SLC13A3: variants seen among roughly 807,000 people sequenced by gnomAD.
The protein encoded by SLC13A3 is Na(+)/dicarboxylate cotransporter 3.
Under a neutral mutation model 59.0 loss-of-function variants are expected in SLC13A3, and 40 were observed. The ratio of observed to expected loss-of-function variants is 0.68; its 90% CI spans 0.53 to 0.88. SLC13A3 has a LOEUF of 0.88. Ranked by LOEUF, SLC13A3 falls within the 40% of genes least tolerant of loss-of-function variation. The pLI is 0.00. For missense variants in SLC13A3, 699 were observed against 783.2 expected (o/e 0.89, Z 1.28); for synonymous variants, 317 against 330.3 (o/e 0.96, Z 0.44).
intron 1 of SLC13A3, among the ~76,000 whole-genome samples, chr20:46,645,073 G>A (rs1449474465): frequency 2.0e-5 from 3 of 152,208 alleles, no homozygotes; most frequent in Admixed American, 2.0e-4. Context: ...CTCCAGGAGA[G>A]AGAATCCATG....
rs1372358836 is a variant in SLC13A3 at position 46,613,883 on chromosome 20, C to T, written c.112-158G>A. The T allele has an allele frequency of 1.3e-5, 8 of 622,978 alleles. No homozygotes were observed. The East Asian group carries it at 2.3e-4, about 18-fold the overall frequency. 38.6% of individuals were successfully genotyped at this position (622,978 alleles called of 1,614,324 possible). On this transcript the variant is annotated intron_variant, in intron 1 of 12. Transcript: ENST00000279027. ...CTGCCCCGGCTTGTTCTCAGGGCAG[C>T]AGTGGAGCAGGTGTGTGCCTAAGGC...
intron 3 of SLC13A3, chr20:46,609,164 G>A (rs2062466635): frequency 1.4e-6 from 2 of 1,425,664 alleles, no homozygotes; most frequent in Non-Finnish European, 1.8e-6. Flanking sequence ...TAAATTAAAA[G>A]TAAGACATTT....
At chr20:46,652,920 T>C (rs2062962197), upstream of SLC13A3, among the ~76,000 whole-genome samples, 1 of 152,244 alleles carries the variant, frequency 6.6e-6, no homozygotes, top group South Asian at 2.1e-4. Flanking sequence ...TTTGGTGTTG[T>C]CACTGTTTAT....
At chr20:46,605,500 G>A (rs1299724970) in intron 3 of SLC13A3, among the ~76,000 whole-genome samples, 2 of 152,076 alleles carry the variant, frequency 1.3e-5, no homozygotes. Flanking sequence ...TTGAGTTTGT[G>A]TCAGGCCAGG....
chr20:46,567,701 C>T (rs1206083892), intron 10 of SLC13A3, among the ~76,000 whole-genome samples: 1 of 152,114 alleles, frequency 6.6e-6, no homozygotes, highest in Non-Finnish European at 1.5e-5. Context: ...CCAGAAGCTA[C>T]CCTATTTACC....
At chr20:46,624,976 G>GC (rs376012302) in intron 1 of SLC13A3, among the ~76,000 whole-genome samples, 2,873 of 148,912 alleles carry the variant, frequency 0.019, 105 homozygotes, top group African/African-American at 0.07. Flanking sequence ...GTTCTGAGAA[G>GC]GGGGAGATCC....
chr20:46,642,923 TG>T (rs1222117908), intron 1 of SLC13A3, among the ~76,000 whole-genome samples: 1 of 151,794 alleles, frequency 6.6e-6, no homozygotes, highest in African/African-American at 2.4e-5. Context: ...CAGCCTAATG[TG>T]GGCAGGGGTC....
chr20:46,625,831 T>C (rs73113789), intron 1 of SLC13A3, among the ~76,000 whole-genome samples: 46,869 of 152,156 alleles, frequency 0.31, 7,465 homozygotes, highest in South Asian at 0.43. Context: ...GTTGTGTGTA[T>C]CAGTAGCCTA....
chr20:46,661,970 G>A (rs1334979390), intron 1 of SLC13A3, among the ~76,000 whole-genome samples: 1 of 152,152 alleles, frequency 6.6e-6, no homozygotes, highest in Non-Finnish European at 1.5e-5. Flanking sequence ...CCCATGGTAA[G>A]ACTTGGTGGG....
At chr20:46,674,603 G>A (rs1305045327), upstream of SLC13A3, among the ~76,000 whole-genome samples, 3 of 39,802 alleles carry the variant, frequency 7.5e-5, no homozygotes, top group East Asian at 4.4e-4. Context: ...GCGCGCGCGC[G>A]CGTGTGTGTG....
At chr20:46,675,800 G>A (rs902634912) in intron 1 of SLC13A3, 5 of 152,404 alleles carry the variant, frequency 3.3e-5, no homozygotes, top group African/African-American at 9.7e-5. Context: ...CAGTGGGGAC[G>A]ACGGCAGAAG....
At chr20:46,570,947 A>G (rs1168721084) in intron 10 of SLC13A3, among the ~76,000 whole-genome samples, 1 of 152,190 alleles carries the variant, frequency 6.6e-6, no homozygotes, top group Non-Finnish European at 1.5e-5. Flanking sequence ...GGGTGTGGGT[A>G]ATTTATAAAG....
upstream of SLC13A3, among the ~76,000 whole-genome samples, chr20:46,655,336 C>CAT (rs747722738): frequency 1.6e-3 from 240 of 148,878 alleles, no homozygotes; most frequent in African/African-American, 4.8e-3. Flanking sequence ...TATGTTCATT[C>CAT]ATATATATAT....
At chr20:46,642,585 C>T (rs2062855180) in intron 1 of SLC13A3, among the ~76,000 whole-genome samples, 1 of 152,206 alleles carries the variant, frequency 6.6e-6, no homozygotes, top group South Asian at 2.1e-4. Context: ...GCTCAGGACT[C>T]TTCCTGCTCC....
chr20:46,606,712 A>C (rs1423490795), intron 3 of SLC13A3, among the ~76,000 whole-genome samples: 1 of 152,334 alleles, frequency 6.6e-6, no homozygotes, highest in East Asian at 1.9e-4. Context: ...TAAAAAACAA[A>C]AACAAAATCC....
At chr20:46,595,955 GC>G (rs1177929031) in intron 5 of SLC13A3, among the ~76,000 whole-genome samples, 1 of 151,996 alleles carries the variant, frequency 6.6e-6, no homozygotes, top group Non-Finnish European at 1.5e-5. Context: ...ATATTCATTT[GC>G]TTTTTCACTT....
At chr20:46,610,812 T>C (rs864692) in intron 2 of SLC13A3, among the ~76,000 whole-genome samples, 3,773 of 152,272 alleles carry the variant, frequency 0.025, 152 homozygotes, top group African/African-American at 0.086. Flanking sequence ...GAACTGTCCA[T>C]AGGTACCCAG....
chr20:46,625,896 G>T (rs2062663735), intron 1 of SLC13A3, among the ~76,000 whole-genome samples: 1 of 152,118 alleles, frequency 6.6e-6, no homozygotes, highest in South Asian at 2.1e-4. Flanking sequence ...GAATTTATTT[G>T]TACATTTTCC....
chr20:46,631,819 T>G (rs1367640931), intron 1 of SLC13A3, among the ~76,000 whole-genome samples: 1 of 151,252 alleles, frequency 6.6e-6, no homozygotes. Flanking sequence ...CCATGTCAGG[T>G]GGTTAATTTT....
Sources: allele counts gnomAD v4.1 joint callset (sites outside exome capture counted in the v4.1 genomes callset), GRCh38; gene constraint gnomAD v4.1.1; transcripts MANE v1.5; gene names NCBI Gene and HGNC (gene_info 2026-07-23, HGNC 2026-07-21).